Variants in SNX2 observed in about 807,000 individuals in gnomAD.
SNX2 encodes sorting nexin-2.
In SNX2, 25 loss-of-function variants were observed where a neutral mutation model predicts 69.9. That is an observed-to-expected ratio of 0.36 (90% CI 0.26 to 0.50). SNX2 has a LOEUF of 0.50. Among genes scored for constraint, SNX2 ranks in the 20% least tolerant of loss-of-function variants. The pLI, the probability that SNX2 is intolerant of heterozygous loss-of-function variation, is 0.97. For synonymous variants in SNX2, 229 were observed against 200.4 expected (o/e 1.14, Z -1.20); for missense variants, 551 against 613.3 (o/e 0.90, Z 1.07).
rs778437342 is a variant in SNX2 at position 122,799,853 on chromosome 5, G to A, written c.388G>A (p.Glu130Lys). The A allele has an allele frequency of 2.5e-6, 4 of 1,607,624 alleles. No homozygotes were observed. The African/African-American group carries it at 5.4e-5, about 22-fold the overall frequency. The change falls in exon 3 of 15, where the codon GAG (glutamate) becomes AAG (lysine). Residue 130 changes from glutamate (E) to lysine (K), a missense_variant and splice_region_variant. Around this residue, in one of 2 missense-constraint regions of SNX2, gnomAD observed 191 missense variants for 162.9 expected, o/e 1.17. Coordinates refer to ENST00000379516, the MANE Select transcript of SNX2 (RefSeq NM_003100.4). Reference sequence around the variant, plus strand: ...CGTGATCTTTGATAGATCCAGGGAAGAGGTACAGGAAAATGTATTCTAAAT... The same window carrying A: ...CGTGATCTTTGATAGATCCAGGGAAAAGGTACAGGAAAATGTATTCTAAAT... Reference protein sequence around the residue: ...APVIFDRSREEIEEEANGDIF... With the variant: ...APVIFDRSREKIEEEANGDIF...
At chr5:122,823,779 C>CGTGTGTGTGTGTGTGT (rs10559762) in intron 11 of SNX2, among the ~76,000 whole-genome samples, 1 of 145,930 alleles carries the variant, frequency 6.9e-6, no homozygotes, top group African/African-American at 2.5e-5. Context: ...AACATGTGGT[C>CGTGTGTGTGTGTGTGT]GTGTGTGTGT....
chr5:122,820,361 C>T (rs2150015799), intron 11 of SNX2, among the ~76,000 whole-genome samples: 1 of 152,248 alleles, frequency 6.6e-6, no homozygotes, highest in South Asian at 2.1e-4. Flanking sequence ...CATGGTGAAA[C>T]CCCGGCTCTA....
At chr5:122,797,531 G>A (rs1753410522) in intron 2 of SNX2, among the ~76,000 whole-genome samples, 1 of 152,070 alleles carries the variant, frequency 6.6e-6, no homozygotes, top group Non-Finnish European at 1.5e-5. Context: ...ATTTTAACAG[G>A]TGTAGCATTC....
chr5:122,806,384 T>TA (rs1753658613), intron 6 of SNX2, among the ~76,000 whole-genome samples: 1 of 152,046 alleles, frequency 6.6e-6, no homozygotes, highest in South Asian at 2.1e-4. Flanking sequence ...TCAGGTAACT[T>TA]ACACTTATAG....
intron 1 of SNX2, among the ~76,000 whole-genome samples, chr5:122,777,803 C>A (rs1397943638): frequency 6.6e-6 from 1 of 152,152 alleles, no homozygotes; most frequent in Non-Finnish European, 1.5e-5. Flanking sequence ...ATTAGCTTAT[C>A]CATTACCTCA....
At chr5:122,826,327 T>A in intron 12 of SNX2, 134 bp downstream of exon 12, 2 of 707,588 alleles carry the variant, frequency 2.8e-6, no homozygotes, top group Non-Finnish European at 4.3e-6. Flanking sequence ...TGTGTTAGAA[T>A]TACTTTAACA....
In SNX2 at chr5:122,830,479, A is replaced by G. The variant is rs1581651666; in HGVS notation, c.*831A>G. ...ATCTTCAGAATCTCGTACTTTGCAT[A>G]TATTTAATTTATTCTTGTCTTTTGG... On this transcript the variant is annotated 3_prime_UTR_variant, in exon 15 of 15. Coordinates refer to ENST00000379516, the MANE Select transcript of SNX2 (RefSeq NM_003100.4). 1.3e-5 allele frequency among the ~76,000 whole-genome samples: 2 copies of G among 152,280 alleles called. No homozygotes were observed. Among genetic ancestry groups the G allele is most frequent in the African/African-American group, 4.8e-5 (2 of 41,556 alleles).
chr5:122,816,855 C>T, intron 8 of SNX2, 60 bp from the exon 9 acceptor site: 2 of 927,250 alleles, frequency 2.2e-6, no homozygotes, highest in Non-Finnish European at 3.4e-6. Context: ...ACTTTTGTGC[C>T]TAGTTAAACC....
intron 11 of SNX2, among the ~76,000 whole-genome samples, chr5:122,825,658 A>G (rs922534632): frequency 6.6e-6 from 1 of 152,120 alleles, no homozygotes; most frequent in Admixed American, 6.5e-5. Flanking sequence ...TGTTTCTAAT[A>G]CTTAATATGC....
rs1207464109 is a variant in SNX2 at position 122,821,513 on chromosome 5, T to C, written c.1212+2490T>C. Among the ~76,000 whole-genome samples, 2 of 151,616 alleles carry C rather than the reference T, an allele frequency of 1.3e-5. 1 individual carries two copies. Among genetic ancestry groups the C allele is most frequent in the Middle Eastern group, 6.9e-3 (2 of 288 alleles). On this transcript the variant is annotated intron_variant, in intron 11 of 14. Coordinates refer to ENST00000379516, the MANE Select transcript of SNX2 (RefSeq NM_003100.4). ...CTCTGTCGCCCAGGCTGGAGTGCAG[T>C]GGCGTGATTTCGGCTCATTGCAGGC... is the stretch of plus-strand genomic sequence containing the variant.
At chr5:122,798,424 A>G (rs1166938306) in intron 2 of SNX2, among the ~76,000 whole-genome samples, 1 of 152,228 alleles carries the variant, frequency 6.6e-6, no homozygotes, top group Non-Finnish European at 1.5e-5. Flanking sequence ...TCTCATCAAC[A>G]TGAGATAACC....
At chr5:122,791,230 T>C (rs59044296) in intron 1 of SNX2, among the ~76,000 whole-genome samples, 18,836 of 151,392 alleles carry the variant, frequency 0.12, 1,485 homozygotes, top group East Asian at 0.36. Flanking sequence ...TTCAAGCAAT[T>C]CTCTTGCCTC....
At chr5:122,777,698 T>C (rs1561436266) in intron 1 of SNX2, among the ~76,000 whole-genome samples, 3 of 152,350 alleles carry the variant, frequency 2.0e-5, no homozygotes, top group South Asian at 2.1e-4. Flanking sequence ...ATTTTTACTT[T>C]TATTATTTTT....
At chr5:122,818,797 A>G (rs1300061235) in intron 10 of SNX2, 21 bp from the exon 11 acceptor site, 24 of 1,601,072 alleles carry the variant, frequency 1.5e-5, no homozygotes, top group Non-Finnish European at 2.0e-5. Flanking sequence ...CTAAAATTGC[A>G]TACTTTTTTT....
At position 122,816,926 on chromosome 5, in the gene SNX2, A is replaced by G. The variant is rs1234262483; in HGVS notation, c.810A>G (p.Ala270=). The change falls in exon 9 of 15, where the codon GCA becomes GCG. Residue 270 remains alanine (A), a synonymous_variant. Transcript: ENST00000379516. ...TCATTCAATTCCAGCTGCCTAGAGC[A>G]GTTAATACACAGGCTCTGAGTGGAG... ...QFLESSELPR[A]VNTQALSGAG... 1 of 1,608,214 alleles carries G rather than the reference A, an allele frequency of 6.2e-7. No individual in the cohort carries two copies. Among genetic ancestry groups the G allele is most frequent in the Non-Finnish European group, 8.5e-7 (1 of 1,175,012 alleles).
rs879715433 is a variant in SNX2 at position 122,793,778 on chromosome 5, TGGCA to T, written c.109-1486_109-1483del. Among the ~76,000 whole-genome samples, 126 of 151,634 alleles carry T rather than the reference TGGCA, an allele frequency of 8.3e-4. 1 individual carries two copies. The highest frequency in any genetic ancestry group is 1.3e-3 in the Non-Finnish European group (91 of 67,912). On this transcript the variant is annotated intron_variant, in intron 1 of 14. Transcript: ENST00000379516. ...ACAAAAAAAAATTAGCTGGGCGTGA[TGGCA>T]GACACCTGTAATCCCAGCTACTCAG...
chr5:122,789,939 T>C (rs887353600), intron 1 of SNX2, among the ~76,000 whole-genome samples: 1 of 152,254 alleles, frequency 6.6e-6, no homozygotes, highest in Non-Finnish European at 1.5e-5. Context: ...TTACCACTTG[T>C]ATGAGTTATC....
intron 1 of SNX2, among the ~76,000 whole-genome samples, chr5:122,791,956 C>T (rs1450838373): frequency 6.6e-6 from 1 of 152,140 alleles, no homozygotes; most frequent in Non-Finnish European, 1.5e-5. Context: ...CAAGTAGGTA[C>T]TCTATGGAAG....
rs1370743784 is a variant in SNX2 at position 122,833,268 on chromosome 5, G to A, written c.*3620G>A. The A allele has an allele frequency of 1.3e-5, 2 of 152,082 alleles. No homozygotes were observed. 9.4% of individuals were successfully genotyped at this position (152,082 alleles called of 1,614,324 possible). ...AAGGGAATTACAACAAGATAAATGT[G>A]AGTAATAGTTCATTTTCCTGCATTT... On this transcript the variant is annotated 3_prime_UTR_variant, in exon 15 of 15. Coordinates refer to ENST00000379516, the MANE Select transcript of SNX2 (RefSeq NM_003100.4).
Sources: gnomAD v4.1 joint callset for allele counts (sites outside exome capture counted in the v4.1 genomes callset) on GRCh38, gnomAD v4.1.1 for gene constraint, gnomAD v4.1.1 regional missense constraint, MANE v1.5 for transcripts, NCBI Gene and HGNC (gene_info 2026-07-23, HGNC 2026-07-21) for gene names.